The following THSD7A variants were observed in gnomAD, a reference collection of about 807,000 sequenced individuals.
The protein encoded by THSD7A is thrombospondin type 1 domain containing 7A.
THSD7A carries 96 observed loss-of-function variants against 231.3 expected under a neutral mutation model. The observed-to-expected ratio is 0.41, with a 90% confidence interval of 0.35 to 0.49. The LOEUF (loss-of-function observed/expected upper bound fraction) is 0.49. Among genes scored for constraint, THSD7A ranks in the 20% least tolerant of loss-of-function variants. The probability of loss-of-function intolerance (pLI) is 0.05; values close to 1 mark genes in which losing one functional copy is unlikely to be tolerated. For missense variants in THSD7A, 2,290 were observed against 2,070.2 expected, an observed-to-expected ratio of 1.11 and a Z score of -2.06; for synonymous variants, 940 against 743.3, an observed-to-expected ratio of 1.26 and a Z score of -4.30.
At chr7:11,662,801 A>T (rs1350053801) in intron 1 of THSD7A, among the ~76,000 whole-genome samples, 1 of 151,446 alleles carries the variant, frequency 6.6e-6, no homozygotes, top group Non-Finnish European at 1.5e-5. Flanking sequence ...AATTAACAGC[A>T]CACATCTAAA....
In THSD7A at chr7:11,429,926, G is replaced by A. The variant is rs569871668; in HGVS notation, c.3065-801C>T. ...CACAGATTTGTTTTGGGAAATGGGAGTATTTTCTTTCAATACTTCTTAACT... is the reference window on the plus strand; with the variant it reads ...CACAGATTTGTTTTGGGAAATGGGAATATTTTCTTTCAATACTTCTTAACT... On this transcript the variant is annotated intron_variant, in intron 13 of 27. Transcript: ENST00000423059. Among the ~76,000 whole-genome samples, 6 of 152,298 alleles carry A rather than the reference G, an allele frequency of 3.9e-5. No homozygotes were observed. In the South Asian group the frequency reaches 1.2e-3, roughly 32 times the overall value.
chr7:11,446,366 C>A lies in THSD7A; in HGVS notation c.2801-42G>T. 6.4e-7 allele frequency: 1 copy of A among 1,573,866 alleles called. No individual in the cohort carries two copies. On this transcript the variant is annotated intron_variant, in intron 12 of 27. Coordinates refer to ENST00000423059, the MANE Select transcript of THSD7A (RefSeq NM_015204.3). The surrounding 1 kb of genome is among the most constrained non-coding windows in gnomAD (Gnocchi z 4.0). ...ATCAGGCAATTTAAGTTGGAAAATA[C>A]CATCATTAATTTCACACATCCCTAA...
intron 1 of THSD7A, among the ~76,000 whole-genome samples, chr7:11,695,950 A>G (rs1780382710): frequency 6.6e-6 from 1 of 151,530 alleles, no homozygotes; most frequent in African/African-American, 2.4e-5. Flanking sequence ...ATGGTAAATG[A>G]TAATGAAGGA....
intron 2 of THSD7A, among the ~76,000 whole-genome samples, chr7:11,625,923 T>C (rs552425045): frequency 3.9e-4 from 60 of 152,158 alleles, no homozygotes; most frequent in Middle Eastern, 3.4e-3. Flanking sequence ...ACTGCCCCGA[T>C]CAGCAGCAAG....
chr7:11,601,924 T>C (rs1780567344), intron 2 of THSD7A, among the ~76,000 whole-genome samples: 3 of 152,206 alleles, frequency 2.0e-5, no homozygotes, highest in Admixed American at 2.0e-4. Flanking sequence ...TTGACTGGAA[T>C]TCAAACTTGG....
intron 6 of THSD7A, among the ~76,000 whole-genome samples, chr7:11,537,932 G>A (rs1562696830): frequency 6.6e-6 from 1 of 152,220 alleles, no homozygotes; most frequent in African/African-American, 2.4e-5. Flanking sequence ...ACATGGTGCT[G>A]AGAGTCTTTG....
rs192568765 is a variant in THSD7A, at chr7:11,802,334, G to T, written c.190+29423C>A. 3.5e-4 allele frequency among the ~76,000 whole-genome samples: 53 copies of T among 152,250 alleles called. 1 individual carries two copies. Among genetic ancestry groups the T allele is most frequent in the Admixed American group, 3.1e-3 (48 of 15,274 alleles). On this transcript the variant is annotated intron_variant, in intron 1 of 27. Coordinates refer to ENST00000423059, the MANE Select transcript of THSD7A (RefSeq NM_015204.3). ...AAAATCTTTTGGTGTAAGGAAAGGA[G>T]ATATGCATTTTTATTATTTTCTCAT...
chr7:11,392,703 G>A (rs549796634), intron 23 of THSD7A, among the ~76,000 whole-genome samples: 1 of 152,168 alleles, frequency 6.6e-6, no homozygotes, highest in African/African-American at 2.4e-5. Context: ...GGGAGGAGGG[G>A]TGTATACCAT....
At chr7:11,780,231 C>T (rs1254559290) in intron 1 of THSD7A, among the ~76,000 whole-genome samples, 2 of 152,174 alleles carry the variant, frequency 1.3e-5, no homozygotes, top group Non-Finnish European at 2.9e-5. Context: ...GATTTCCTCC[C>T]AATGGGCCCA....
chr7:11,550,792 C>T (rs1031135566), intron 4 of THSD7A, among the ~76,000 whole-genome samples: 3 of 152,110 alleles, frequency 2.0e-5, no homozygotes, highest in Non-Finnish European at 2.9e-5. Context: ...TTTACAGATC[C>T]AGTTCTATTC....
At chr7:11,460,567 T>C in intron 11 of THSD7A, 95 bp downstream of exon 11, 1 of 900,974 alleles carries the variant, frequency 1.1e-6, no homozygotes, top group South Asian at 1.7e-5. Context: ...TGCTTTGCTC[T>C]GTTTGCTAAG....
chr7:11,782,120 T>C (rs1308507073), intron 1 of THSD7A, among the ~76,000 whole-genome samples: 2 of 152,174 alleles, frequency 1.3e-5, no homozygotes, highest in Non-Finnish European at 2.9e-5. Context: ...TGTAATGTAA[T>C]TTTTTTAAAA....
chr7:11,401,804 A>G lies in THSD7A; in HGVS notation c.4402T>C (p.Ser1468Pro). 5 of 1,612,670 alleles carry G rather than the reference A, an allele frequency of 3.1e-6. No homozygotes were observed. Among genetic ancestry groups the G allele is most frequent in the Non-Finnish European group, 4.2e-6 (5 of 1,179,476 alleles). The change falls in exon 23 of 28, where the codon TCA becomes CCA. Residue 1468 changes from serine to proline, a missense_variant. Physicochemically the swap from Ser to Pro is moderately conservative, Grantham distance 74 (BLOSUM62 -1). Transcript: ENST00000423059. Reference protein sequence around the residue: ...LCPEQMLETKSCYDGQCYEYK... With the variant: ...LCPEQMLETKPCYDGQCYEYK... ...GAACGGTAGCACTCACCATAACATGATTTTGTTTCTAACATCTGCTCTGGG... is the reference window on the plus strand; with the variant it reads ...GAACGGTAGCACTCACCATAACATGGTTTTGTTTCTAACATCTGCTCTGGG...
At chr7:11,544,368 C>T (rs1789286178) in intron 4 of THSD7A, among the ~76,000 whole-genome samples, 2 of 151,996 alleles carry the variant, frequency 1.3e-5, no homozygotes, top group Admixed American at 1.3e-4. Flanking sequence ...TTCTTGGTCA[C>T]ACATTTCCTG....
chr7:11,596,313 G>C (rs1360671988), intron 2 of THSD7A, among the ~76,000 whole-genome samples: 1 of 152,154 alleles, frequency 6.6e-6, no homozygotes, highest in African/African-American at 2.4e-5. Context: ...TGATTCCAGG[G>C]GACCCAAAAC....
chr7:11,638,361 G>A (rs1469258031), intron 1 of THSD7A, among the ~76,000 whole-genome samples: 6 of 152,132 alleles, frequency 3.9e-5, no homozygotes, highest in Non-Finnish European at 2.9e-5. Context: ...ATTTCTCTTG[G>A]ACATTAGAGC....
intron 11 of THSD7A, 30 bp downstream of exon 11, chr7:11,460,632 A>G (rs1407070956): frequency 6.4e-7 from 1 of 1,559,216 alleles, no homozygotes; most frequent in Non-Finnish European, 8.7e-7. Context: ...GCGATGCTGG[A>G]GAAATGAACT....
intron 25 of THSD7A, 118 bp from the exon 26 acceptor site, chr7:11,379,398 T>C: frequency 1.0e-6 from 1 of 1,001,488 alleles, no homozygotes. Flanking sequence ...TATACATAAT[T>C]CCTCTATTAT....
chr7:11,475,951 T>C (rs1786155003), intron 7 of THSD7A, among the ~76,000 whole-genome samples: 1 of 149,178 alleles, frequency 6.7e-6, no homozygotes, highest in South Asian at 2.1e-4. Flanking sequence ...TTTTTTTTTT[T>C]TTTGCTCTGT....
Sources: gnomAD v4.1 joint callset for allele counts (sites outside exome capture counted in the v4.1 genomes callset) on GRCh38, gnomAD v4.1.1 for gene constraint, Gnocchi (gnomAD v3.1) non-coding constraint, MANE v1.5 for transcripts, NCBI Gene and HGNC (gene_info 2026-07-23, HGNC 2026-07-21) for gene names.